NCOR2: variants seen among roughly 807,000 people sequenced by gnomAD.
NCOR2 encodes nuclear receptor corepressor 2.
In NCOR2, 81 loss-of-function variants were observed where a neutral mutation model predicts 262.9. The ratio of observed to expected loss-of-function variants is 0.31; its 90% CI spans 0.26 to 0.37. The LOEUF is 0.37. NCOR2 is among the 10% of genes least tolerant of loss of function. The pLI is 1.00. For synonymous variants in NCOR2, 1,659 were observed against 1,559.3 expected (o/e 1.06, Z -1.51); for missense variants, 3,385 against 3,621.4 (o/e 0.93, Z 1.68).
chr12:124,487,047 A>G lies in NCOR2; in HGVS notation c.106-479T>C, dbSNP rs538248349. ...GGCTGTGGGTCCCTCCAGCCTGAGG[A>G]GCTGAAGCTTGGAAATGCAGGCCTG... On this transcript the variant is annotated intron_variant, in intron 1 of 46. Coordinates refer to ENST00000405201, the Ensembl canonical transcript of NCOR2. 7.8e-4 allele frequency among the ~76,000 whole-genome samples: 118 copies of G among 152,208 alleles called. 2 individuals are homozygous for G. The highest frequency in any genetic ancestry group is 2.6e-3 in the African/African-American group (107 of 41,518).
At chr12:124,346,828 C>T (rs763173120) in exon 31 of NCOR2, 4 of 1,580,702 alleles carry the variant, frequency 2.5e-6, no homozygotes, top group East Asian at 2.3e-5. Flanking sequence ...CCTCCTGTGC[C>T]TCCACGTAGG....
At chr12:124,510,930 C>T (rs187866229) in intron 1 of NCOR2, among the ~76,000 whole-genome samples, 1 of 152,348 alleles carries the variant, frequency 6.6e-6, no homozygotes, top group East Asian at 1.9e-4. Flanking sequence ...ATCTGGACTC[C>T]AACCTGTGCT....
chr12:124,564,723 C>T (rs2052177901), intron 1 of NCOR2, among the ~76,000 whole-genome samples: 1 of 152,104 alleles, frequency 6.6e-6, no homozygotes, highest in Non-Finnish European at 1.5e-5. Context: ...AGTGAAGCAC[C>T]AACTTCTCCA....
chr12:124,428,260 C>T lies in NCOR2; in HGVS notation c.1149+1353G>A, dbSNP rs60214497. The stretch of plus-strand genomic sequence containing the variant: ...GACAGGGGCTGACACGGCCCAGCTC[C>T]GGCGCCCAGCCTTCGAGGGCCGGGC... On this transcript the variant is annotated intron_variant, in intron 10 of 46. Coordinates refer to ENST00000405201, the Ensembl canonical transcript of NCOR2. 4.2e-3 allele frequency among the ~76,000 whole-genome samples: 634 copies of T among 152,318 alleles called. 7 individuals carry two copies. The highest frequency in any genetic ancestry group is 0.014 in the African/African-American group (592 of 41,568).
At chr12:124,514,692 CA>C (rs2137041323) in intron 1 of NCOR2, 1 of 151,706 alleles carries the variant, frequency 6.6e-6, no homozygotes, top group Non-Finnish European at 1.5e-5. Flanking sequence ...ACTCAAAATA[CA>C]AAAATTAGGC....
Position 124,495,077 on chromosome 12 carries a change from G to A in NCOR2, c.105+70C>T. On this transcript the variant is annotated intron_variant, in intron 1 of 46. Coordinates refer to ENST00000405201, the Ensembl canonical transcript of NCOR2. This position sits in a 1 kb window ranked among gnomAD's most constrained non-coding sequence, Gnocchi z 4.4. ...CCTGGCTCCCAGGAGAAAGGAAGGG[G>A]TGAAGACTCAGTGGAATGGAAGAAG... is the stretch of plus-strand genomic sequence containing the variant. The A allele has an allele frequency of 1.3e-6, 2 of 1,563,086 alleles. No homozygotes were observed. The highest frequency in any genetic ancestry group is 1.9e-5 in the Admixed American group (1 of 54,040).
intron 37 of NCOR2, among the ~76,000 whole-genome samples, chr12:124,339,626 C>CG (rs1170618452): frequency 1.1e-5 from 1 of 93,264 alleles, no homozygotes; most frequent in African/African-American, 3.1e-5. Context: ...CCACCTAACC[C>CG]AACCACCTAT....
At chr12:124,394,389 C>A (rs1453833042) in intron 16 of NCOR2, among the ~76,000 whole-genome samples, 4 of 152,318 alleles carry the variant, frequency 2.6e-5, no homozygotes, top group Non-Finnish European at 5.9e-5. Context: ...CTGCCCTCAG[C>A]TCTTCTGTGT....
At chr12:124,516,073 C>T (rs1312096582) in intron 1 of NCOR2, among the ~76,000 whole-genome samples, 2 of 152,210 alleles carry the variant, frequency 1.3e-5, no homozygotes, top group East Asian at 1.9e-4. Context: ...CCCCCGCCTT[C>T]GGAGGCCATT....
chr12:124,338,219 T>A (rs181200260), intron 37 of NCOR2, among the ~76,000 whole-genome samples: 1 of 152,274 alleles, frequency 6.6e-6, no homozygotes, highest in African/African-American at 2.4e-5. Context: ...TCTAAATAGG[T>A]CCTGGAGGCT....
At chr12:124,555,471 T>C (rs773544842) in intron 1 of NCOR2, among the ~76,000 whole-genome samples, 5 of 152,146 alleles carry the variant, frequency 3.3e-5, no homozygotes, top group African/African-American at 4.8e-5. Context: ...GCAGGATGTA[T>C]ACATGCTCGG....
chr12:124,371,967 C>T, intron 20 of NCOR2, 55 bp downstream of exon 22: 1 of 1,500,804 alleles, frequency 6.7e-7, no homozygotes, highest in Non-Finnish European at 8.9e-7. Flanking sequence ...TAGGTAGTCG[C>T]TGCTCAGTGT....
intron 16 of NCOR2, among the ~76,000 whole-genome samples, chr12:124,395,847 C>A (rs184934398): frequency 6.6e-6 from 1 of 152,328 alleles, no homozygotes; most frequent in African/African-American, 2.4e-5. Flanking sequence ...TCCCAGCCAA[C>A]AGGCTGAGAT....
chr12:124,419,329 C>T (rs371328115), intron 13 of NCOR2, among the ~76,000 whole-genome samples: 7 of 152,288 alleles, frequency 4.6e-5, no homozygotes, highest in African/African-American at 9.6e-5. Context: ...GCAGCAAGGA[C>T]GCTGCCATGG....
chr12:124,508,096 C>A (rs2049149588), intron 1 of NCOR2, among the ~76,000 whole-genome samples: 1 of 152,254 alleles, frequency 6.6e-6, no homozygotes, highest in Non-Finnish European at 1.5e-5. Context: ...CCCACCCACT[C>A]AACAAGGGTC....
At chr12:124,459,711 G>C (rs2046062976) in intron 5 of NCOR2, among the ~76,000 whole-genome samples, 1 of 152,194 alleles carries the variant, frequency 6.6e-6, no homozygotes, top group Admixed American at 6.5e-5. Context: ...ATACCCTCTA[G>C]AACGTGGCAT....
At chr12:124,497,049 G>A (rs547653534), upstream of NCOR2, among the ~76,000 whole-genome samples, 22 of 152,344 alleles carry the variant, frequency 1.4e-4, no homozygotes, top group South Asian at 2.7e-3. The surrounding 1 kb of genome is among the most constrained non-coding windows in gnomAD (Gnocchi z 4.2). Context: ...GAGGCAGGTC[G>A]AAGCCTGCTC....
intron 1 of NCOR2, among the ~76,000 whole-genome samples, chr12:124,528,558 T>A (rs1046426479): frequency 6.6e-6 from 1 of 152,182 alleles, no homozygotes; most frequent in African/African-American, 2.4e-5. Context: ...GGAAGACCCT[T>A]GGCAGAACCA....
At chr12:124,400,075 C>A (rs546511839) in intron 15 of NCOR2, among the ~76,000 whole-genome samples, 2 of 152,212 alleles carry the variant, frequency 1.3e-5, no homozygotes, top group South Asian at 4.1e-4. Context: ...CTGGGCCAAG[C>A]GTGGCCAGAT....
Sources: allele counts gnomAD v4.1 joint callset (sites outside exome capture counted in the v4.1 genomes callset), GRCh38; gene constraint gnomAD v4.1.1; non-coding constraint Gnocchi (gnomAD v3.1); transcripts MANE v1.5; gene names NCBI Gene and HGNC (gene_info 2026-07-23, HGNC 2026-07-21).